BICDL2: variants seen among roughly 807,000 people sequenced by gnomAD.
The protein encoded by BICDL2 is BICD family-like cargo adapter 2.
BICDL2 carries 62 observed loss-of-function variants against 56.6 expected under a neutral mutation model. The observed-to-expected ratio is 1.10, with a 90% CI of 0.89 to 1.35. The LOEUF (loss-of-function observed/expected upper bound fraction) is 1.35, where lower values mean the gene tolerates loss of function less well. Ranked by LOEUF, BICDL2 falls within the 40% of genes most tolerant of loss-of-function variation. The probability of loss-of-function intolerance (pLI) is 0.00; values close to 1 mark genes in which losing one functional copy is unlikely to be tolerated. For synonymous variants in BICDL2, 358 were observed against 319.8 expected (o/e 1.12, Z -1.27); for missense variants, 808 against 684.5 (o/e 1.18, Z -2.01).
At chr16:3,033,635 G>C (rs940828558) in intron 2 of BICDL2, among the ~76,000 whole-genome samples, 4 of 152,056 alleles carry the variant, frequency 2.6e-5, no homozygotes, top group African/African-American at 9.7e-5. Flanking sequence ...GCAAAAATTA[G>C]CCAGGTATGG....
Position 3,029,830 on chromosome 16 carries a change from G to A in BICDL2, c.763-91C>T, listed in dbSNP as rs577579038. On this transcript the variant is annotated intron_variant, in intron 5 of 9. Coordinates refer to ENST00000572449, the MANE Select transcript of BICDL2 (RefSeq NM_001369667.1). ...CGGCAGGTCCACACGGGGGTGCCGC[G>A]GAGAGCCCCGCACCCCAGCGGCCCA... 10 of 1,139,742 alleles carry A rather than the reference G, an allele frequency of 8.8e-6. No homozygotes were observed. The South Asian group carries it at 1.3e-4, about 14-fold the overall frequency. 70.6% of individuals were successfully genotyped at this position (1,139,742 alleles called of 1,614,324 possible).
At chr16:3,035,176 T>TTGGCCCGGGGGGGGGGGGGGGGGGGGGG in intron 2 of BICDL2, 39 bp downstream of exon 2, 13 of 136,274 alleles carry the variant, frequency 9.5e-5, no homozygotes, top group Non-Finnish European at 1.5e-4. Flanking sequence ...CGTCCTCCCC[T>TTGGCCCGGGGGGGGGGGGGGGGGGGGGG]GCCCACCCAC....
At chr16:3,031,210 CAG>C (rs1955650253) in intron 2 of BICDL2, 60 bp from the exon 3 acceptor site, 1 of 1,432,854 alleles carries the variant, frequency 7.0e-7, no homozygotes, top group South Asian at 1.2e-5. Flanking sequence ...TGGGCAGGCA[CAG>C]AGAGATGGCG....
chr16:3,027,863 G>T lies in BICDL2; in HGVS notation c.*243C>A. The T allele has an allele frequency of 1.2e-6, 1 of 823,350 alleles. No individual in the cohort carries two copies. Among genetic ancestry groups the T allele is most frequent in the South Asian group, 2.0e-5 (1 of 50,628 alleles). 51.0% of individuals were successfully genotyped at this position (823,350 alleles called of 1,614,324 possible). A position where few individuals can be genotyped will look rare whatever the true frequency, so the allele number is the denominator to read the frequency against. On this transcript the variant is annotated 3_prime_UTR_variant, in exon 10 of 10. Coordinates refer to ENST00000572449, the MANE Select transcript of BICDL2 (RefSeq NM_001369667.1). The stretch of plus-strand genomic sequence containing the variant: ...CCCCATCCCTGCCCTAGAAAAGATA[G>T]ACGTATATTAATTCGGAAAATAGCT...
intron 4 of BICDL2, 32 bp downstream of exon 4, chr16:3,030,664 C>A: frequency 6.3e-7 from 1 of 1,598,572 alleles, no homozygotes; most frequent in Non-Finnish European, 8.5e-7. Flanking sequence ...TTTTTTGGCT[C>A]AGATAATCCC....
chr16:3,035,176 T>TTGGGGGGGGGGGGGGGGGG, intron 2 of BICDL2, 39 bp downstream of exon 2: 4 of 136,272 alleles, frequency 2.9e-5, no homozygotes, highest in Non-Finnish European at 5.4e-5. Flanking sequence ...CGTCCTCCCC[T>TTGGGGGGGGGGGGGGGGGG]GCCCACCCAC....
chr16:3,030,368 G>C, intron 5 of BICDL2, 81 bp downstream of exon 5: 3 of 1,509,240 alleles, frequency 2.0e-6, no homozygotes, highest in Non-Finnish European at 2.7e-6. Flanking sequence ...CAGTGATCCA[G>C]CTCCGGCCTC....
In BICDL2 at chr16:3,029,151, T is replaced by C. The variant is rs1005770207; in HGVS notation, c.1107+129A>G. On this transcript the variant is annotated intron_variant, in intron 7 of 9. Transcript: ENST00000572449. ...GTGGCATACAGGCTGGCTCTTGAAG[T>C]AAGTTTGTTGAGATGAAAGCCGATC... 4.2e-6 allele frequency: 5 copies of C among 1,194,378 alleles called. No individual in the cohort carries two copies. In the Admixed American group the frequency reaches 1.1e-4, roughly 27 times the overall value. The allele number at this position is 1,194,378 out of a possible 1,614,324, so 74.0% of individuals were successfully genotyped here. A position where few individuals can be genotyped will look rare whatever the true frequency, so the allele number is the denominator to read the frequency against.
chr16:3,028,190 C>G lies in BICDL2; in HGVS notation c.1443G>C (p.Pro481=). 6.9e-7 allele frequency: 1 copy of G among 1,458,916 alleles called. No individual in the cohort carries two copies. The allele number at this position is 1,458,916 out of a possible 1,614,324, so 90.4% of individuals were successfully genotyped here. The change falls in exon 10 of 10, where the codon CCG becomes CCC. Residue 481 remains proline, a synonymous_variant. Transcript: ENST00000572449. ...GCGAGAAGCGGGGCGCGGCACGGCG[C>G]GGGGTCGACGACGACGCGGAGGCGC... is the stretch of plus-strand genomic sequence containing the variant. The part of the protein sequence containing the change: ...ELSASASSST[P]RRAAPRFSLR...
At chr16:3,030,895 C>T (rs1454276218) in intron 3 of BICDL2, 40 bp downstream of exon 3, 1 of 1,546,028 alleles carries the variant, frequency 6.5e-7, no homozygotes, top group Non-Finnish European at 8.7e-7. Flanking sequence ...AGGCATCCTC[C>T]CCAACCTTGT....
At chr16:3,036,485 C>G (rs1298439254) in intron 1 of BICDL2, 1 of 456,426 alleles carries the variant, frequency 2.2e-6, no homozygotes, top group African/African-American at 2.0e-5. Context: ...GCTCTCCCTC[C>G]TCCTCTCGCC....
At position 3,031,158 on chromosome 16, in the gene BICDL2, G is replaced by T; in HGVS notation, c.283-8C>A. 6.5e-7 allele frequency: 1 copy of T among 1,534,368 alleles called. No individual in the cohort carries two copies. Among genetic ancestry groups the T allele is most frequent in the Admixed American group, 2.0e-5 (1 of 50,850 alleles). ...GTTCTCCTGCTGGAGCCGCTGTGGGGGCCAGGGCAGAGGGACAGAGGCAGA... is the reference window on the plus strand; with the variant it reads ...GTTCTCCTGCTGGAGCCGCTGTGGGTGCCAGGGCAGAGGGACAGAGGCAGA... On this transcript the variant is annotated splice_region_variant and splice_polypyrimidine_tract_variant and intron_variant, in intron 2 of 9. Transcript: ENST00000572449.
intron 2 of BICDL2, among the ~76,000 whole-genome samples, chr16:3,034,037 G>C (rs1955693768): frequency 6.6e-6 from 1 of 152,154 alleles, no homozygotes; most frequent in Admixed American, 6.5e-5. Context: ...GACCAGATGT[G>C]AGCCCCAGAG....
At chr16:3,034,943 C>T (rs1217659043) in intron 2 of BICDL2, 2 of 469,936 alleles carry the variant, frequency 4.3e-6, no homozygotes, top group African/African-American at 1.9e-5. Context: ...CAACACTGGG[C>T]TAGTGATCTT....
Position 3,027,866 on chromosome 16 carries a change from G to A in BICDL2, c.*240C>T, listed in dbSNP as rs1052458. On this transcript the variant is annotated 3_prime_UTR_variant, in exon 10 of 10. Transcript: ENST00000572449. The stretch of plus-strand genomic sequence containing the variant: ...CATCCCTGCCCTAGAAAAGATAGAC[G>A]TATATTAATTCGGAAAATAGCTCTG... 5.0e-6 allele frequency: 4 copies of A among 804,196 alleles called. No individual in the cohort carries two copies. The highest frequency in any genetic ancestry group is 3.7e-6 in the Non-Finnish European group (2 of 538,458). 49.8% of individuals were successfully genotyped at this position (804,196 alleles called of 1,614,324 possible).
rs372529213 is a variant in BICDL2 at position 3,029,368 on chromosome 16, A to T, written c.1019T>A (p.Ile340Asn). ...SSPQPSPPEE[I>N]LEPPKKRTSL... ...TGTTCGCTTCTTGGGGGGCTCTAAG[A>T]TCTCTTCCGGGGGTGAAGGCTGGGG... Residue 340 changes from isoleucine to asparagine, a missense_variant, in exon 7 of 10, where the codon ATC (isoleucine) becomes AAC (asparagine). By Grantham distance (149) the Ile-to-Asn change is moderately radical (BLOSUM62 -3). Transcript: ENST00000572449. The T allele has an allele frequency of 2.6e-6, 4 of 1,562,094 alleles. No homozygotes were observed. The South Asian group carries it at 3.3e-5, about 13-fold the overall frequency.
At position 3,032,068 on chromosome 16, in the gene BICDL2, A is replaced by T. The variant is rs114078830; in HGVS notation, c.283-918T>A. The T allele has an allele frequency of 9.1e-3, 1,385 of 152,348 alleles. 28 individuals are homozygous for T. Among genetic ancestry groups the T allele is most frequent in the African/African-American group, 0.032 (1,318 of 41,572 alleles). The allele number at this position is 152,348 out of a possible 1,614,324, so 9.4% of individuals were successfully genotyped here. A position where few individuals can be genotyped will look rare whatever the true frequency, so the allele number is the denominator to read the frequency against. ...TGCCTCAGCCTCCCAAGTAGCTAAG[A>T]TTACTGGCGTGCGCCACCCTGCCCG... On this transcript the variant is annotated intron_variant, in intron 2 of 9. Coordinates refer to ENST00000572449, the MANE Select transcript of BICDL2 (RefSeq NM_001369667.1).
At position 3,028,686 on chromosome 16, in the gene BICDL2, G is replaced by A; in HGVS notation, c.1238+14C>T. 1 of 1,567,112 alleles carries A rather than the reference G, an allele frequency of 6.4e-7. No individual in the cohort carries two copies. Among genetic ancestry groups the A allele is most frequent in the Non-Finnish European group, 8.7e-7 (1 of 1,155,384 alleles). ...AGAGGGCGCTGGGGCGGTGGTCAAT[G>A]GCTTGAGGCTTACTTGTTCACGGCC... On this transcript the variant is annotated intron_variant, in intron 8 of 9. Transcript: ENST00000572449.
rs754862088 is a variant in BICDL2, at chr16:3,030,733, G to C, written c.578C>G (p.Ala193Gly). ...GQCQAQALAGAELRTRLESLQ... is the reference protein window; with the variant it reads ...GQCQAQALAGGELRTRLESLQ... ...ACTCTCCAGCCGCGTCCTCAGCTCTGCTCCAGCCAGTGCCTGAGCCTGGCA... is the reference window on the plus strand; with the variant it reads ...ACTCTCCAGCCGCGTCCTCAGCTCTCCTCCAGCCAGTGCCTGAGCCTGGCA... The change falls in exon 4 of 10, where the codon GCA (alanine) becomes GGA (glycine). Residue 193 changes from alanine to glycine, a missense_variant. Transcript: ENST00000572449. 1.9e-6 allele frequency: 3 copies of C among 1,612,534 alleles called. No individual in the cohort carries two copies. In the South Asian group the frequency reaches 3.3e-5, roughly 18 times the overall value.
Sources: allele counts gnomAD v4.1 joint callset (sites outside exome capture counted in the v4.1 genomes callset), GRCh38; gene constraint gnomAD v4.1.1; transcripts MANE v1.5; gene names NCBI Gene and HGNC (gene_info 2026-07-23, HGNC 2026-07-21).